DROSHA: variants seen among roughly 807,000 people sequenced by gnomAD.
DROSHA encodes drosha ribonuclease III.
Under a neutral mutation model 181.9 loss-of-function variants are expected in DROSHA, and 56 were observed. The observed-to-expected ratio is 0.31, with a 90% CI of 0.25 to 0.38. DROSHA has a LOEUF of 0.38. DROSHA is among the 10% of genes least tolerant of loss of function. The pLI is 1.00. For missense variants in DROSHA, 1,218 were observed against 1,743.5 expected, an observed-to-expected ratio of 0.70 and a Z score of 5.37; for synonymous variants, 524 against 591.2, an observed-to-expected ratio of 0.89 and a Z score of 1.65.
intron 5 of DROSHA, among the ~76,000 whole-genome samples, chr5:31,525,447 T>C (rs145911675): frequency 0.025 from 3,320 of 134,320 alleles, 118 homozygotes; most frequent in African/African-American, 0.089. Context: ...GAGGTTGCAG[T>C]GAGCTGAGAT....
At chr5:31,430,766 T>C (rs778652665) in intron 26 of DROSHA, among the ~76,000 whole-genome samples, 1 of 152,180 alleles carries the variant, frequency 6.6e-6, no homozygotes, top group Non-Finnish European at 1.5e-5. Context: ...TGTGGATAAT[T>C]ATTAAACATT....
At chr5:31,452,917 T>A (rs1384972991) in intron 20 of DROSHA, among the ~76,000 whole-genome samples, 2 of 152,240 alleles carry the variant, frequency 1.3e-5, no homozygotes, top group African/African-American at 2.4e-5. Context: ...TTTGCTTTTA[T>A]AAGTGCTGTG....
At chr5:31,525,985 C>A in intron 5 of DROSHA, 94 bp downstream of exon 5, 2 of 1,203,112 alleles carry the variant, frequency 1.7e-6, no homozygotes, top group Non-Finnish European at 2.3e-6. Context: ...ATCAAGATGC[C>A]CTACTGGATC....
At chr5:31,519,352 A>G (rs1313659455) in intron 6 of DROSHA, among the ~76,000 whole-genome samples, 2 of 151,912 alleles carry the variant, frequency 1.3e-5, no homozygotes, top group Non-Finnish European at 2.9e-5. Context: ...AATTAATCCC[A>G]TCTAACCCAT....
At chr5:31,523,976 C>CAA (rs10718385) in intron 5 of DROSHA, among the ~76,000 whole-genome samples, 11 of 105,062 alleles carry the variant, frequency 1.0e-4, no homozygotes, top group African/African-American at 3.0e-4. Flanking sequence ...ACTTTGTCTC[C>CAA]AAAAAAAAAA....
intron 26 of DROSHA, among the ~76,000 whole-genome samples, chr5:31,431,290 C>T (rs1375519310): frequency 1.4e-5 from 2 of 146,270 alleles, no homozygotes; most frequent in Non-Finnish European, 1.5e-5. Flanking sequence ...CATATTAACT[C>T]ACCTCATTTC....
intron 14 of DROSHA, 130 bp from the exon 15 acceptor site, chr5:31,485,092 A>G (rs1751572448): frequency 1.6e-6 from 1 of 611,792 alleles, no homozygotes; most frequent in African/African-American, 1.9e-5. Flanking sequence ...TAGTTTCCTG[A>G]AGAGTTTGGC....
intron 23 of DROSHA, among the ~76,000 whole-genome samples, chr5:31,438,232 A>G (rs991935233): frequency 1.3e-5 from 2 of 152,192 alleles, no homozygotes; most frequent in Admixed American, 6.5e-5. Flanking sequence ...TTGGTTGAGC[A>G]CAGACATGAC....
intron 25 of DROSHA, among the ~76,000 whole-genome samples, chr5:31,432,330 C>T (rs1028609304): frequency 3.9e-5 from 6 of 152,054 alleles, no homozygotes; most frequent in African/African-American, 1.4e-4. Flanking sequence ...TGGGGTTTCA[C>T]CATGTTGGCC....
At chr5:31,422,644 G>C in intron 29 of DROSHA, 143 bp downstream of exon 29, 1 of 956,242 alleles carries the variant, frequency 1.0e-6, no homozygotes, top group Non-Finnish European at 1.5e-6. Flanking sequence ...CCACACTGAG[G>C]TCTGTCTGCT....
At position 31,443,216 on chromosome 5, in the gene DROSHA, T is replaced by C. The variant is rs552800769; in HGVS notation, c.2882+5331A>G. On this transcript the variant is annotated intron_variant, in intron 23 of 35. Transcript: ENST00000344624. ...TGTGTTTTTAGTAGAGAGGGTTTCATCATGTTGGCCAGGCTGGACTTGAAC... is the reference window on the plus strand; with the variant it reads ...TGTGTTTTTAGTAGAGAGGGTTTCACCATGTTGGCCAGGCTGGACTTGAAC... 7.2e-5 allele frequency among the ~76,000 whole-genome samples: 11 copies of C among 152,008 alleles called. No homozygotes were observed. The East Asian group carries it at 2.1e-3, about 29-fold the overall frequency.
chr5:31,419,173 CAAG>C (rs1324990293), intron 30 of DROSHA, among the ~76,000 whole-genome samples: 1 of 152,086 alleles, frequency 6.6e-6, no homozygotes, highest in Non-Finnish European at 1.5e-5. Context: ...GCTTGTGTTT[CAAG>C]AAGGAGGAGG....
intron 20 of DROSHA, among the ~76,000 whole-genome samples, chr5:31,457,123 CTTTTTTTT>C (rs5867080): frequency 1.0e-5 from 1 of 99,096 alleles, no homozygotes; most frequent in Non-Finnish European, 1.8e-5. Context: ...GAAATTAAGC[CTTTTTTTT>C]TTTTTTTTTT....
chr5:31,513,787 C>T (rs1400035437), intron 8 of DROSHA, among the ~76,000 whole-genome samples: 5 of 152,126 alleles, frequency 3.3e-5, no homozygotes, highest in East Asian at 1.9e-4. Flanking sequence ...GAAATCTGCA[C>T]GAGTTCATTA....
At chr5:31,480,889 C>T (rs1405875003) in intron 16 of DROSHA, among the ~76,000 whole-genome samples, 1 of 152,038 alleles carries the variant, frequency 6.6e-6, no homozygotes, top group Non-Finnish European at 1.5e-5. Context: ...AGGCAAAATG[C>T]TAAAAATGAA....
intron 16 of DROSHA, among the ~76,000 whole-genome samples, chr5:31,476,958 T>C (rs1750441991): frequency 6.6e-6 from 1 of 152,240 alleles, no homozygotes; most frequent in African/African-American, 2.4e-5. Flanking sequence ...TGGGGATTTA[T>C]GGAGCCATGT....
chr5:31,417,067 G>T lies in DROSHA; in HGVS notation c.3525+4205C>A, dbSNP rs151249955. Among the ~76,000 whole-genome samples, 147 of 152,322 alleles carry T rather than the reference G, an allele frequency of 9.7e-4. 1 individual carries two copies. The highest frequency in any genetic ancestry group is 3.2e-3 in the African/African-American group (133 of 41,578). ...AGAAAGGCATGAGAGGTTCCAGGCT[G>T]AGGAGGTGTGCTAGGGACAAGGGGA... is the stretch of plus-strand genomic sequence containing the variant. On this transcript the variant is annotated intron_variant, in intron 30 of 35. Transcript: ENST00000344624.
At chr5:31,518,220 T>C (rs986345153) in intron 6 of DROSHA, among the ~76,000 whole-genome samples, 3 of 152,138 alleles carry the variant, frequency 2.0e-5, no homozygotes, top group African/African-American at 4.8e-5. Flanking sequence ...TATTTGAACA[T>C]AGAAAAGGTC....
chr5:31,440,085 C>G (rs1218825450), intron 23 of DROSHA, among the ~76,000 whole-genome samples: 1 of 152,094 alleles, frequency 6.6e-6, no homozygotes, highest in East Asian at 1.9e-4. Context: ...TAGCAACTTT[C>G]AAGTCCATGT....
Sources: gnomAD v4.1 joint callset for allele counts (sites outside exome capture counted in the v4.1 genomes callset) on GRCh38, gnomAD v4.1.1 for gene constraint, MANE v1.5 for transcripts, NCBI Gene and HGNC (gene_info 2026-07-23, HGNC 2026-07-21) for gene names.